The following HMGXB3 variants were observed in gnomAD, a reference collection of about 807,000 sequenced individuals.
HMGXB3 encodes HMG domain-containing protein 3.
A neutral mutation model predicts 121.5 loss-of-function variants in HMGXB3; 45 were observed. That is an observed-to-expected ratio of 0.37 (90% CI 0.29 to 0.47). The LOEUF is 0.47. Ranked by LOEUF, HMGXB3 falls within the 20% of genes least tolerant of loss-of-function variation. HMGXB3 has a pLI of 0.99. For synonymous variants in HMGXB3, 590 were observed against 624.1 expected, an observed-to-expected ratio of 0.95 and a Z score of 0.81; for missense variants, 1,376 against 1,602.2, an observed-to-expected ratio of 0.86 and a Z score of 2.41.
chr5:150,012,008 G>GT (rs1331249346), intron 4 of HMGXB3, among the ~76,000 whole-genome samples: 2 of 152,208 alleles, frequency 1.3e-5, no homozygotes, highest in Non-Finnish European at 2.9e-5. Flanking sequence ...GATCTTAGAA[G>GT]TCCTAAATGT....
At chr5:150,026,330 T>A (rs537788020) in intron 7 of HMGXB3, among the ~76,000 whole-genome samples, 13 of 152,352 alleles carry the variant, frequency 8.5e-5, no homozygotes, top group African/African-American at 2.6e-4. Flanking sequence ...ACATGGACTC[T>A]GTTCTCTAGG....
At position 150,051,844 on chromosome 5, in the gene HMGXB3, A is replaced by G. The variant is rs947253439; in HGVS notation, c.3531A>G (p.Leu1177=). 1 of 1,550,554 alleles carries G rather than the reference A, an allele frequency of 6.4e-7. No individual in the cohort carries two copies. Among genetic ancestry groups the G allele is most frequent in the African/African-American group, 1.4e-5 (1 of 73,072 alleles). The change falls in exon 20 of 20, where the codon CTA becomes CTG. Residue 1177 remains leucine (L), a synonymous_variant. Transcript: ENST00000502717. The stretch of plus-strand genomic sequence containing the variant: ...CGCGGCGCATCGTCCATGCAGGCCT[A>G]CAGCCCAATCCTGGTGACCCCAGTG... ...TATRRIVHAG[L]QPNPGDPSAG...
intron 14 of HMGXB3, among the ~76,000 whole-genome samples, chr5:150,041,323 C>G (rs1384250958): frequency 6.6e-6 from 1 of 152,206 alleles, no homozygotes; most frequent in African/African-American, 2.4e-5. Context: ...CCTATAGGCT[C>G]CAATCCCCCT....
intron 13 of HMGXB3, among the ~76,000 whole-genome samples, chr5:150,038,991 T>C (rs1756561953): frequency 6.6e-6 from 1 of 152,182 alleles, no homozygotes; most frequent in Admixed American, 6.5e-5. Context: ...ATGTGGTAAG[T>C]GTGTGTTTAA....
chr5:150,018,701 A>T lies in HMGXB3; in HGVS notation c.1041+4A>T. 6.5e-7 allele frequency: 1 copy of T among 1,549,696 alleles called. No individual in the cohort carries two copies. Among genetic ancestry groups the T allele is most frequent in the African/African-American group, 1.4e-5 (1 of 73,158 alleles). On this transcript the variant is annotated splice_donor_region_variant and intron_variant, in intron 6 of 19. Coordinates refer to ENST00000502717, the MANE Select transcript of HMGXB3 (RefSeq NM_014983.3). The stretch of plus-strand genomic sequence containing the variant: ...AGGAGGGAAGTGGATCCCAAAGGTA[A>T]GGTCCATTGGCTGTTGCTGCTTTGG...
chr5:150,009,341 T>C (rs1755776904), intron 3 of HMGXB3, among the ~76,000 whole-genome samples: 1 of 152,210 alleles, frequency 6.6e-6, no homozygotes, highest in South Asian at 2.1e-4. Flanking sequence ...TTATCTAACA[T>C]AATAGTGTTG....
chr5:150,019,054 C>T (rs990377319), intron 6 of HMGXB3, among the ~76,000 whole-genome samples: 7 of 151,906 alleles, frequency 4.6e-5, no homozygotes, highest in Non-Finnish European at 2.9e-5. Flanking sequence ...AAACAGTCTC[C>T]TGTCTCGGCC....
chr5:150,024,556 A>G lies in HMGXB3; in HGVS notation c.1336A>G (p.Ser446Gly). The G allele has an allele frequency of 6.4e-7, 1 of 1,551,734 alleles. No individual in the cohort carries two copies. The highest frequency in any genetic ancestry group is 8.7e-7 in the Non-Finnish European group (1 of 1,147,008). The part of the protein sequence containing the change: ...TAVTKTPVVK[S>G]GVQPEVTLGT... ...AGTCACTAAGACGCCAGTCGTCAAA[A>G]GTGGTGTGCAGCCTGAGGTCACTCT... The change falls in exon 7 of 20, where the codon AGT becomes GGT. Residue 446 changes from serine (S) to glycine (G), a missense_variant. Ser to Gly is a moderately conservative substitution (Grantham distance 56, BLOSUM62 0). Coordinates refer to ENST00000502717, the MANE Select transcript of HMGXB3 (RefSeq NM_014983.3).
At chr5:150,029,411 G>A (rs962163392) in intron 9 of HMGXB3, among the ~76,000 whole-genome samples, 7 of 150,726 alleles carry the variant, frequency 4.6e-5, no homozygotes, top group African/African-American at 1.7e-4. Context: ...TCACCCATGT[G>A]CATGAATACC....
chr5:150,004,889 G>C lies in HMGXB3; in HGVS notation c.37G>C (p.Val13Leu), dbSNP rs566651350. ...ASYDGTEVTV[V>L]MEEIEEAYCY... ...ATATGATGGTACTGAGGTAACTGTC[G>C]TGATGGAGGAAATTGAGGAAGCCTA... Residue 13 changes from valine (V) to leucine (L), a missense_variant, in exon 2 of 20, where the codon GTG (valine) becomes CTG (leucine). Around this residue, in one of 2 missense-constraint regions of HMGXB3, gnomAD observed 1,116 missense variants for 1,369.0 expected, o/e 0.82. Transcript: ENST00000502717. The C allele has an allele frequency of 3.9e-6, 6 of 1,551,640 alleles. No homozygotes were observed. The East Asian group carries it at 1.5e-4, about 38-fold the overall frequency.
In HMGXB3 at chr5:150,043,095, C is replaced by G. The variant is rs185582294; in HGVS notation, c.2730+1126C>G. Among the ~76,000 whole-genome samples the G allele has an allele frequency of 7.4e-3, 1,125 of 152,264 alleles. 11 individuals are homozygous for G. Among genetic ancestry groups the G allele is most frequent in the African/African-American group, 0.025 (1,053 of 41,538 alleles). ...CAGTAGGAAATATGTTAATGTAATTCACTACTTAACCGATTAAAGGGGAAA... is the reference window on the plus strand; with the variant it reads ...CAGTAGGAAATATGTTAATGTAATTGACTACTTAACCGATTAAAGGGGAAA... On this transcript the variant is annotated intron_variant, in intron 15 of 19. Coordinates refer to ENST00000502717, the MANE Select transcript of HMGXB3 (RefSeq NM_014983.3).
intron 1 of HMGXB3, among the ~76,000 whole-genome samples, chr5:150,002,396 G>A (rs928411809): frequency 6.6e-6 from 1 of 152,192 alleles, no homozygotes; most frequent in East Asian, 1.9e-4. Context: ...CATAAGGTTA[G>A]AGTTTAGGTC....
At chr5:150,050,531 G>C in intron 19 of HMGXB3, 70 bp downstream of exon 19, 2 of 1,230,034 alleles carry the variant, frequency 1.6e-6, no homozygotes, top group African/African-American at 1.5e-5. Context: ...ACCCAGGCTG[G>C]AGTGCAGTGG....
rs181339574 is a variant in HMGXB3 at position 150,002,259 on chromosome 5, T to C, written c.-3+1080T>C. On this transcript the variant is annotated intron_variant, in intron 1 of 19. Transcript: ENST00000502717. ...GTTTTTTGTTGTTGTAGTTGTTTGT[T>C]TTTTTAAGCTTTCGCAACATTGTCA... 6.4e-3 allele frequency among the ~76,000 whole-genome samples: 970 copies of C among 151,842 alleles called. 8 individuals are homozygous for C. Among genetic ancestry groups the C allele is most frequent in the African/African-American group, 0.022 (894 of 41,118 alleles).
intron 11 of HMGXB3, among the ~76,000 whole-genome samples, chr5:150,033,431 C>T (rs1756427428): frequency 1.3e-5 from 2 of 152,152 alleles, no homozygotes; most frequent in Admixed American, 6.5e-5. Context: ...ACTTAAGTCT[C>T]TCCCACTAGA....
intron 19 of HMGXB3, 33 bp from the exon 20 acceptor site, chr5:150,051,692 T>C: frequency 6.8e-7 from 1 of 1,465,922 alleles, no homozygotes. Flanking sequence ...AGTCATTCCT[T>C]CTTATCAAAA....
At chr5:150,004,119 C>A (rs946266796) in intron 1 of HMGXB3, among the ~76,000 whole-genome samples, 1 of 151,972 alleles carries the variant, frequency 6.6e-6, no homozygotes, top group African/African-American at 2.4e-5. Flanking sequence ...AGCAACCCTC[C>A]CATCTCAGCC....
At chr5:150,022,885 C>A (rs6863283) in intron 6 of HMGXB3, among the ~76,000 whole-genome samples, 81,199 of 148,554 alleles carry the variant, frequency 0.55, 24,937 homozygotes, top group Non-Finnish European at 0.69. Flanking sequence ...GAATACAGCT[C>A]ATGCAGCCTC....
At chr5:150,050,142 G>A (rs913979664) in intron 18 of HMGXB3, 110 bp from the exon 19 acceptor site, 27 of 928,214 alleles carry the variant, frequency 2.9e-5, no homozygotes, top group Admixed American at 6.1e-5. Context: ...CCATGGCTTC[G>A]GCCCTGAAGC....
Sources: allele counts gnomAD v4.1 joint callset (sites outside exome capture counted in the v4.1 genomes callset), GRCh38; gene constraint gnomAD v4.1.1; regional missense constraint gnomAD v4.1.1; transcripts MANE v1.5; gene names NCBI Gene and HGNC (gene_info 2026-07-23, HGNC 2026-07-21).